TNC: variants seen among roughly 807,000 people sequenced by gnomAD.
The protein encoded by TNC is tenascin.
Under a neutral mutation model 202.4 loss-of-function variants are expected in TNC, and 109 were observed. That is an observed-to-expected ratio of 0.54 (90% confidence interval 0.46 to 0.63). The LOEUF is 0.63. Ranked by LOEUF, TNC falls within the 30% of genes least tolerant of loss-of-function variation. TNC has a pLI of 0.00. For synonymous variants in TNC, 1,007 were observed against 1,089.7 expected (o/e 0.92, Z 1.50); for missense variants, 2,756 against 2,833.3 (o/e 0.97, Z 0.62).
intron 5 of TNC, 53 bp downstream of exon 5, chr9:115,082,639 G>T: frequency 7.4e-7 from 1 of 1,346,742 alleles, no homozygotes; most frequent in Non-Finnish European, 1.1e-6. Flanking sequence ...GAACCCTTTG[G>T]TCATCTTTCA....
In TNC at chr9:115,082,694, T is replaced by C; in HGVS notation, c.2245A>G (p.Met749Val). Residue 749 changes from methionine (M) to valine (V), a missense_variant and splice_region_variant, in exon 5 of 28, where the codon ATG becomes GTG. Around this residue, in one of 2 missense-constraint regions of TNC, gnomAD observed 2,559 missense variants for 2,546.0 expected, o/e 1.01. Transcript: ENST00000350763. ...FETWEIIFRN[M>V]NKEDEGEITK... ...ATCTGCTCTTTTGTACTCCTTACCA[T>C]ATTCCGGAAGATGATCTCCCAGGTT... is the stretch of plus-strand genomic sequence containing the variant. 6.2e-7 allele frequency: 1 copy of C among 1,603,744 alleles called. No individual in the cohort carries two copies. The highest frequency in any genetic ancestry group is 8.5e-7 in the Non-Finnish European group (1 of 1,170,512).
chr9:115,078,988 T>A (rs1262417121), intron 6 of TNC, among the ~76,000 whole-genome samples: 1 of 152,234 alleles, frequency 6.6e-6, no homozygotes, highest in African/African-American at 2.4e-5. Flanking sequence ...GAGAAGCCTT[T>A]TTTTAACCCG....
At chr9:115,079,227 CTTT>C (rs61492592) in intron 6 of TNC, among the ~76,000 whole-genome samples, 12 of 143,186 alleles carry the variant, frequency 8.4e-5, no homozygotes, top group Non-Finnish European at 1.5e-4. Flanking sequence ...TCTTCTTCTC[CTTT>C]TTTTTTTTTT....
intron 19 of TNC, among the ~76,000 whole-genome samples, chr9:115,039,586 TTG>T (rs745969102): frequency 6.6e-6 from 1 of 152,184 alleles, no homozygotes; most frequent in Non-Finnish European, 1.5e-5. Context: ...TACTACTCAA[TTG>T]TGCCCATGCC....
At position 115,082,776 on chromosome 9, in the gene TNC, C is replaced by T. The variant is rs1834400887; in HGVS notation, c.2163G>A (p.Lys721=). Residue 721 remains lysine (K), a synonymous_variant, in exon 5 of 28, where the codon AAG becomes AAA. Transcript: ENST00000350763. ...YLPAPEGLKF[K]SIKETSVEVE... is the part of the protein sequence containing the mutation. Reference sequence around the variant, plus strand: ...CTTCCACAGATGTCTCCTTGATGGACTTGAATTTCAGGCCTTCAGGTGCAG... The same window carrying T: ...CTTCCACAGATGTCTCCTTGATGGATTTGAATTTCAGGCCTTCAGGTGCAG... 1 of 1,614,114 alleles carries T rather than the reference C, an allele frequency of 6.2e-7. No homozygotes were observed. Among genetic ancestry groups the T allele is most frequent in the Non-Finnish European group, 8.5e-7 (1 of 1,179,986 alleles).
At chr9:115,112,060 A>G (rs906233042) in intron 1 of TNC, among the ~76,000 whole-genome samples, 3 of 152,202 alleles carry the variant, frequency 2.0e-5, no homozygotes, top group Admixed American at 2.0e-4. Context: ...ATAGATAATG[A>G]ATACGGAGAT....
At chr9:115,043,769 G>A (rs531358004) in intron 17 of TNC, among the ~76,000 whole-genome samples, 18 of 152,278 alleles carry the variant, frequency 1.2e-4, no homozygotes, top group Non-Finnish European at 2.5e-4. Context: ...AAAACAGTGA[G>A]GTGTATAAAC....
In TNC at chr9:115,088,772, G is replaced by C. The variant is rs373561541; in HGVS notation, c.458-1499C>G. Among the ~76,000 whole-genome samples, 74 of 151,660 alleles carry C rather than the reference G, an allele frequency of 4.9e-4. No individual in the cohort carries two copies. The South Asian group carries it at 0.014, about 28-fold the overall frequency. On this transcript the variant is annotated intron_variant, in intron 2 of 27. Transcript: ENST00000350763. ...AGTATGGTGGCCCTTGGCCACATGTGGTTATTAGGCATTGAAACGTGGCTA... is the reference window on the plus strand; with the variant it reads ...AGTATGGTGGCCCTTGGCCACATGTCGTTATTAGGCATTGAAACGTGGCTA...
At position 115,085,859 on chromosome 9, in the gene TNC, C is replaced by T; in HGVS notation, c.1867+5G>A. 6.3e-7 allele frequency: 1 copy of T among 1,598,826 alleles called. No individual in the cohort carries two copies. The highest frequency in any genetic ancestry group is 1.1e-5 in the South Asian group (1 of 90,302). On this transcript the variant is annotated splice_donor_5th_base_variant and intron_variant, in intron 3 of 27. Transcript: ENST00000350763. Reference sequence around the variant, plus strand: ...TTATATGCTGGTCTGCGCCCTGGCACTCACCCTCTGAGCAGTCTTCTCCGC... The same window carrying T: ...TTATATGCTGGTCTGCGCCCTGGCATTCACCCTCTGAGCAGTCTTCTCCGC...
chr9:115,069,810 C>T (rs151045775), intron 10 of TNC, among the ~76,000 whole-genome samples: 3 of 105,236 alleles, frequency 2.9e-5, no homozygotes, highest in African/African-American at 1.1e-4. Flanking sequence ...CTCCCTTCCT[C>T]CCTCCCTCCC....
chr9:115,075,160 G>C (rs573305087), intron 9 of TNC, among the ~76,000 whole-genome samples: 1 of 152,168 alleles, frequency 6.6e-6, no homozygotes, highest in Non-Finnish European at 1.5e-5. Context: ...GGGAGAGGCA[G>C]AGGAGGAGTT....
chr9:115,039,440 A>G (rs1313271203), intron 19 of TNC, among the ~76,000 whole-genome samples: 2 of 152,224 alleles, frequency 1.3e-5, no homozygotes, highest in Non-Finnish European at 2.9e-5. Flanking sequence ...ATGGTTTTCA[A>G]ATGACTTGTT....
chr9:115,042,270 G>T lies in TNC; in HGVS notation c.5197C>A (p.Pro1733Thr). Residue 1733 changes from proline (P) to threonine (T), a missense_variant, in exon 18 of 28, where the codon CCC (proline) becomes ACC (threonine). By Grantham distance (38) the Pro-to-Thr change is conservative. This residue lies in a region of TNC where 2,559 missense variants were observed against 2,546.0 expected (regional missense o/e 1.01). Coordinates refer to ENST00000350763, the MANE Select transcript of TNC (RefSeq NM_002160.4). ...ENSATVSWRA[P>T]TAQVESFRIT... ...CGGAAGCTCTCCACTTGGGCTGTGG[G>T]TGCCCTCCAGCTGACAGTAGCCGAA... is the stretch of plus-strand genomic sequence containing the variant. The T allele has an allele frequency of 6.2e-7, 1 of 1,614,128 alleles. No homozygotes were observed. The highest frequency in any genetic ancestry group is 8.5e-7 in the Non-Finnish European group (1 of 1,179,992).
intron 9 of TNC, 59 bp from the exon 10 acceptor site, chr9:115,073,925 G>A: frequency 6.5e-7 from 1 of 1,545,542 alleles, no homozygotes; most frequent in South Asian, 1.2e-5. Context: ...CTGCTTCTGG[G>A]GCTGAAAGTC....
intron 22 of TNC, among the ~76,000 whole-genome samples, chr9:115,032,244 T>A (rs1830005936): frequency 6.6e-6 from 1 of 152,204 alleles, no homozygotes; most frequent in South Asian, 2.1e-4. Flanking sequence ...CTTCAGGTGT[T>A]AGAACAGTGG....
chr9:115,021,551 A>G (rs1430383793), intron 27 of TNC, among the ~76,000 whole-genome samples: 1 of 152,200 alleles, frequency 6.6e-6, no homozygotes, highest in African/African-American at 2.4e-5. Flanking sequence ...TTGAGGCAAA[A>G]TGGTGGCTGA....
rs57737243 is a variant in TNC at position 115,028,924 on chromosome 9, G to GA, written c.6169+435dup. Reference sequence around the variant, plus strand: ...TACTAAAGCTCTCAACATTATCTCTGAAAAAAAAAAAAAAAAAAAAAAAAA... The same window carrying GA: ...TACTAAAGCTCTCAACATTATCTCTGAAAAAAAAAAAAAAAAAAAAAAAAAA... On this transcript the variant is annotated intron_variant, in intron 25 of 27. Transcript: ENST00000350763. 2.5e-3 allele frequency among the ~76,000 whole-genome samples: 159 copies of GA among 63,960 alleles called. 12 individuals carry two copies. Among genetic ancestry groups the GA allele is most frequent in the South Asian group, 5.7e-3 (7 of 1,222 alleles). The allele number at this position is 63,960 out of a possible 152,430, so 42.0% of individuals were successfully genotyped here. A position where few individuals can be genotyped will look rare whatever the true frequency, so the allele number is the denominator to read the frequency against.
In TNC at chr9:115,082,730, T is replaced by A. The variant is rs762567109; in HGVS notation, c.2209A>T (p.Ile737Phe). 4 of 1,614,004 alleles carry A rather than the reference T, an allele frequency of 2.5e-6. No homozygotes were observed. The African/African-American group carries it at 5.3e-5, about 22-fold the overall frequency. The change falls in exon 5 of 28, where the codon ATT (isoleucine) becomes TTT (phenylalanine). Residue 737 changes from isoleucine (I) to phenylalanine (F), a missense_variant. Physicochemically the swap from Ile to Phe is conservative, Grantham distance 21. Around this residue, in one of 2 missense-constraint regions of TNC, gnomAD observed 2,559 missense variants for 2,546.0 expected, o/e 1.01. Coordinates refer to ENST00000350763, the MANE Select transcript of TNC (RefSeq NM_002160.4). ...SVEVEWDPLD[I>F]AFETWEIIFR... is the part of the protein sequence containing the mutation. ...ATGATCTCCCAGGTTTCAAAAGCAA[T>A]GTCTAGAGGATCCCACTCCACTTCC...
chr9:115,036,335 C>T (rs1379071247), intron 20 of TNC, 94 bp from the exon 21 acceptor site: 11 of 1,414,776 alleles, frequency 7.8e-6, no homozygotes, highest in Admixed American at 3.8e-5. Context: ...CTTCGAACAT[C>T]GAAACTTTCA....
Sources: allele counts gnomAD v4.1 joint callset (sites outside exome capture counted in the v4.1 genomes callset), GRCh38; gene constraint gnomAD v4.1.1; regional missense constraint gnomAD v4.1.1; transcripts MANE v1.5; gene names NCBI Gene and HGNC (gene_info 2026-07-23, HGNC 2026-07-21).